Variants in PALM2AKAP2 observed in about 807,000 individuals in gnomAD.
The protein encoded by PALM2AKAP2 is PALM2-AKAP2 fusion protein.
A neutral mutation model predicts 71.5 loss-of-function variants in PALM2AKAP2; 37 were observed. The observed-to-expected ratio is 0.52, with a 90% CI of 0.40 to 0.68. The LOEUF (loss-of-function observed/expected upper bound fraction) is 0.68, where lower values mean the gene tolerates loss of function less well. PALM2AKAP2 is among the 30% of genes least tolerant of loss of function. The pLI, the probability that PALM2AKAP2 is intolerant of heterozygous loss-of-function variation, is 0.00. For synonymous variants in PALM2AKAP2, 468 were observed against 478.8 expected (o/e 0.98, Z 0.29); for missense variants, 1,224 against 1,191.8 (o/e 1.03, Z -0.40).
chr9:109,724,454 G>T (rs1397686048), intron 1 of PALM2AKAP2, among the ~76,000 whole-genome samples: 3 of 152,156 alleles, frequency 2.0e-5, no homozygotes, highest in African/African-American at 7.2e-5. Context: ...CAATAAAAAT[G>T]AGAAAGGAGC....
intron 1 of PALM2AKAP2, among the ~76,000 whole-genome samples, chr9:110,053,530 A>C (rs1203385113): frequency 7.5e-6 from 1 of 133,200 alleles, no homozygotes; most frequent in African/African-American, 3.5e-5. Context: ...TCTGTCTCAA[A>C]AAAAAAAAAA....
intron 1 of PALM2AKAP2, among the ~76,000 whole-genome samples, chr9:109,840,268 G>T (rs937023256): frequency 4.6e-5 from 7 of 152,142 alleles, no homozygotes; most frequent in Admixed American, 4.6e-4. Context: ...AATGGGGAAA[G>T]GATTCCCTAT....
chr9:109,883,632 C>G (rs1007600372), intron 3 of PALM2AKAP2, among the ~76,000 whole-genome samples: 1 of 152,228 alleles, frequency 6.6e-6, no homozygotes, highest in African/African-American at 2.4e-5. Context: ...TGTTATCTCT[C>G]TTCCCATAAA....
chr9:109,906,391 G>T (rs2131871922), intron 3 of PALM2AKAP2, among the ~76,000 whole-genome samples: 1 of 152,240 alleles, frequency 6.6e-6, no homozygotes, highest in African/African-American at 2.4e-5. Flanking sequence ...TAGAGACGGG[G>T]TTTCATCATG....
chr9:110,079,227 C>T (rs1241730493), intron 1 of PALM2AKAP2, among the ~76,000 whole-genome samples: 2 of 152,096 alleles, frequency 1.3e-5, no homozygotes, highest in Non-Finnish European at 2.9e-5. Context: ...TTTTAATCTT[C>T]AAGCTCGCCT....
intron 1 of PALM2AKAP2, among the ~76,000 whole-genome samples, chr9:110,079,681 C>T (rs1386335350): frequency 6.6e-6 from 1 of 152,054 alleles, no homozygotes; most frequent in Non-Finnish European, 1.5e-5. Context: ...ATATATGGAG[C>T]ATGATTCTAT....
intron 2 of PALM2AKAP2, among the ~76,000 whole-genome samples, chr9:110,143,411 CAA>C (rs10638600): frequency 4.3e-5 from 3 of 69,090 alleles, no homozygotes; most frequent in Non-Finnish European, 5.3e-5. Context: ...AGCAAAGTGC[CAA>C]AAAAAAAAAA....
At chr9:110,086,984 C>T (rs143236615) in intron 1 of PALM2AKAP2, among the ~76,000 whole-genome samples, 365 of 152,312 alleles carry the variant, frequency 2.4e-3, no homozygotes, top group African/African-American at 8.5e-3. Context: ...ACTGTTTACA[C>T]TCAAGTAAAA....
chr9:109,920,087 G>T (rs1242771755), intron 3 of PALM2AKAP2, among the ~76,000 whole-genome samples: 1 of 152,168 alleles, frequency 6.6e-6, no homozygotes, highest in African/African-American at 2.4e-5. Context: ...GGCAGCAGCT[G>T]CCCAGATAAG....
At chr9:109,929,863 C>CAAAA (rs58029417) in intron 5 of PALM2AKAP2, among the ~76,000 whole-genome samples, 43 of 69,360 alleles carry the variant, frequency 6.2e-4, no homozygotes, top group Non-Finnish European at 9.8e-4. Flanking sequence ...GACTCCATTT[C>CAAAA]AAAAAAAAAA....
At chr9:109,816,967 T>C (rs1322043309) in intron 1 of PALM2AKAP2, among the ~76,000 whole-genome samples, 1 of 152,250 alleles carries the variant, frequency 6.6e-6, no homozygotes, top group African/African-American at 2.4e-5. Flanking sequence ...ACTCTTCTAA[T>C]ATTTTTTTAA....
At chr9:109,932,027 T>C (rs537782915) in exon 6 of PALM2AKAP2, 19 of 1,612,032 alleles carry the variant, frequency 1.2e-5, no homozygotes, top group South Asian at 7.7e-5. Flanking sequence ...GCAGAGCGGC[T>C]GGTAAGTCCT....
At chr9:109,741,569 C>T (rs1310682718) in intron 1 of PALM2AKAP2, among the ~76,000 whole-genome samples, 1 of 152,124 alleles carries the variant, frequency 6.6e-6, no homozygotes, top group Non-Finnish European at 1.5e-5. Context: ...ATTTTATGCT[C>T]CCACCAGCAA....
chr9:110,068,848 A>C (rs1015733768), intron 1 of PALM2AKAP2, among the ~76,000 whole-genome samples: 3 of 152,186 alleles, frequency 2.0e-5, no homozygotes, highest in South Asian at 2.1e-4. Flanking sequence ...CTTTCTTAAA[A>C]GAGAACTTCT....
At chr9:110,148,610 C>G (rs1215755081) in intron 2 of PALM2AKAP2, 1 of 152,184 alleles carries the variant, frequency 6.6e-6, no homozygotes, top group Non-Finnish European at 1.5e-5. Flanking sequence ...TTTCTGGTGA[C>G]TTGTGGGTCG....
At chr9:110,003,975 CT>C (rs1832729615) in intron 6 of PALM2AKAP2, among the ~76,000 whole-genome samples, 3 of 152,116 alleles carry the variant, frequency 2.0e-5, no homozygotes, top group Admixed American at 1.3e-4. Flanking sequence ...GGTCTTGACT[CT>C]TTGTCTAATT....
At chr9:109,890,144 A>C (rs1830053739) in intron 3 of PALM2AKAP2, among the ~76,000 whole-genome samples, 1 of 152,200 alleles carries the variant, frequency 6.6e-6, no homozygotes, top group Non-Finnish European at 1.5e-5. Flanking sequence ...CACAGTTTTC[A>C]TGAATTATGC....
rs117879130 is a variant in PALM2AKAP2, at chr9:109,852,544, A to G, written c.46-14947A>G. ...ATAGTATGACTTATCCTTTGGGTAT[A>G]TATCAGTAATAGGATTGCAGAGTCC... On this transcript the variant is annotated intron_variant, in intron 1 of 9. Transcript: ENST00000302798. Among the ~76,000 whole-genome samples, 35 of 152,300 alleles carry G rather than the reference A, an allele frequency of 2.3e-4. No homozygotes were observed. In the East Asian group the frequency reaches 5.8e-3, roughly 25 times the overall value.
chr9:109,842,527 G>T (rs1459671591), intron 1 of PALM2AKAP2, among the ~76,000 whole-genome samples: 1 of 152,004 alleles, frequency 6.6e-6, no homozygotes, highest in Non-Finnish European at 1.5e-5. Context: ...CTGAAGAAGT[G>T]GCTTAAAAAG....
Sources: gnomAD v4.1 joint callset for allele counts (sites outside exome capture counted in the v4.1 genomes callset) on GRCh38, gnomAD v4.1.1 for gene constraint, MANE v1.5 for transcripts, NCBI Gene and HGNC (gene_info 2026-07-23, HGNC 2026-07-21) for gene names.